Variants in LVRN observed in about 807,000 individuals in gnomAD.
LVRN encodes aminopeptidase Q.
A neutral mutation model predicts 111.4 loss-of-function variants in LVRN; 99 were observed. The observed-to-expected ratio is 0.89, with a 90% CI of 0.76 to 1.05. LVRN has a LOEUF of 1.05. LVRN is among the 50% of genes least tolerant of loss of function. The pLI is 0.00. For missense variants in LVRN, 1,414 were observed against 1,206.8 expected (o/e 1.17, Z -2.54); for synonymous variants, 488 against 449.5 (o/e 1.09, Z -1.08).
In LVRN at chr5:115,962,622, G is replaced by T; in HGVS notation, c.5G>T (p.Gly2Val). 6.3e-7 allele frequency: 1 copy of T among 1,593,468 alleles called. No homozygotes were observed. The highest frequency in any genetic ancestry group is 1.1e-5 in the South Asian group (1 of 90,208). ...CGCCTGAACCCGGTCCCTGCCATGG[G>T]GCCCCCTTCCAGCTCAGGCTTCTAT... Reference protein sequence around the residue: MGPPSSSGFYVS... With the variant: MVPPSSSGFYVS... Residue 2 changes from glycine to valine, a missense_variant, in exon 1 of 20, where the codon GGG becomes GTG. Physicochemically the swap from Gly to Val is moderately radical, Grantham distance 109. Coordinates refer to ENST00000357872, the MANE Select transcript of LVRN (RefSeq NM_173800.5).
intron 12 of LVRN, among the ~76,000 whole-genome samples, chr5:116,003,736 C>T (rs1159311260): frequency 2.0e-5 from 3 of 152,170 alleles, no homozygotes; most frequent in African/African-American, 4.8e-5. Flanking sequence ...CGCCTGCCAC[C>T]ACGCCCGGCT....
chr5:115,973,171 C>G (rs1363862636), intron 1 of LVRN, among the ~76,000 whole-genome samples: 1 of 152,188 alleles, frequency 6.6e-6, no homozygotes, highest in Non-Finnish European at 1.5e-5. Flanking sequence ...CTCAAGGAAT[C>G]CATCTCCCTT....
chr5:115,965,958 C>G (rs1753192881), intron 1 of LVRN, among the ~76,000 whole-genome samples: 1 of 151,988 alleles, frequency 6.6e-6, no homozygotes, highest in African/African-American at 2.4e-5. Flanking sequence ...ATACTTTTTT[C>G]TAACTTTTTA....
chr5:116,004,755 T>C (rs561198009), intron 12 of LVRN, among the ~76,000 whole-genome samples: 2 of 152,258 alleles, frequency 1.3e-5, no homozygotes, highest in Non-Finnish European at 1.5e-5. Context: ...AATTTCTTAT[T>C]TGTGTAATAA....
chr5:116,007,986 G>A (rs1018207578), intron 13 of LVRN, among the ~76,000 whole-genome samples: 2 of 152,124 alleles, frequency 1.3e-5, no homozygotes, highest in African/African-American at 4.8e-5. Context: ...TGCTGCACTG[G>A]CCAGCCATTC....
At position 116,001,255 on chromosome 5, in the gene LVRN, C is replaced by T. The variant is rs1241476626; in HGVS notation, c.1820+16C>T. On this transcript the variant is annotated intron_variant, in intron 10 of 19. Coordinates refer to ENST00000357872, the MANE Select transcript of LVRN (RefSeq NM_173800.5). The stretch of plus-strand genomic sequence containing the variant: ...TAACCAGCAAGTAGGTAGCTTTGCT[C>T]CTCTTTGTCTTCACCTTCCTTGGGG... 1 of 1,611,256 alleles carries T rather than the reference C, an allele frequency of 6.2e-7. No individual in the cohort carries two copies. Among genetic ancestry groups the T allele is most frequent in the South Asian group, 1.1e-5 (1 of 90,480 alleles).
intron 3 of LVRN, among the ~76,000 whole-genome samples, chr5:115,985,025 AC>A (rs2112574078): frequency 6.6e-6 from 1 of 152,232 alleles, no homozygotes; most frequent in Admixed American, 6.5e-5. Context: ...CTGCACTGGC[AC>A]CTTGATGTTT....
intron 14 of LVRN, 135 bp downstream of exon 14, chr5:116,011,029 A>ATAAGGTATTCTGT: frequency 5.4e-6 from 1 of 184,012 alleles, no homozygotes; most frequent in Non-Finnish European, 9.2e-6. Flanking sequence ...ATATATATGG[A>ATAAGGTATTCTGT]AGTATATACA....
At chr5:116,025,341 G>A (rs1222464166) in intron 19 of LVRN, among the ~76,000 whole-genome samples, 2 of 152,146 alleles carry the variant, frequency 1.3e-5, no homozygotes, top group African/African-American at 4.8e-5. Context: ...AGCGTTCGGA[G>A]TTCTAATCCA....
At chr5:115,964,398 AT>A (rs1253095474) in intron 1 of LVRN, among the ~76,000 whole-genome samples, 1 of 152,224 alleles carries the variant, frequency 6.6e-6, no homozygotes, top group African/African-American at 2.4e-5. Context: ...TGGATGTATA[AT>A]CTGTAACTTT....
rs187078086 is a variant in LVRN at position 116,024,935 on chromosome 5, G to A, written c.2833-1043G>A. Reference sequence around the variant, plus strand: ...GAAAATGAAGTCATTTGTCTCCCTCGTCCCTCTCCAAAGGCACAATTTTCA... The same window carrying A: ...GAAAATGAAGTCATTTGTCTCCCTCATCCCTCTCCAAAGGCACAATTTTCA... On this transcript the variant is annotated intron_variant, in intron 19 of 19. Transcript: ENST00000357872. Among the ~76,000 whole-genome samples the A allele has an allele frequency of 4.8e-4, 73 of 152,106 alleles. 1 individual carries two copies. The highest frequency in any genetic ancestry group is 1.8e-3 in the Admixed American group (28 of 15,278).
chr5:116,012,714 C>A lies in LVRN; in HGVS notation c.2342+246C>A, dbSNP rs190404637. On this transcript the variant is annotated intron_variant, in intron 15 of 19. Coordinates refer to ENST00000357872, the MANE Select transcript of LVRN (RefSeq NM_173800.5). ...ATAGGAGCTTATAGCTCTATATTCTCAAAGCCTAGACTACTGGTTGAAATT... is the reference window on the plus strand; with the variant it reads ...ATAGGAGCTTATAGCTCTATATTCTAAAAGCCTAGACTACTGGTTGAAATT... Among the ~76,000 whole-genome samples, 6 of 152,334 alleles carry A rather than the reference C, an allele frequency of 3.9e-5. No homozygotes were observed. In the East Asian group the frequency reaches 9.6e-4, roughly 24 times the overall value.
chr5:116,003,467 G>C, intron 12 of LVRN, 87 bp downstream of exon 12: 1 of 876,208 alleles, frequency 1.1e-6, no homozygotes, highest in Non-Finnish European at 1.6e-6. Context: ...GGTGGGAAGA[G>C]ATTCCACCTT....
rs552077271 is a variant in LVRN, at chr5:116,010,200, A to G, written c.2094-541A>G. ...GGTGTGCATACTGTTTTTCTTAGAC[A>G]TAATGCCATTGCTACTTAATAGGCT... On this transcript the variant is annotated intron_variant, in intron 13 of 19. Transcript: ENST00000357872. 3.3e-5 allele frequency among the ~76,000 whole-genome samples: 5 copies of G among 152,326 alleles called. No individual in the cohort carries two copies. The South Asian group carries it at 6.2e-4, about 19-fold the overall frequency.
At chr5:116,005,035 A>G (rs1748330373) in intron 12 of LVRN, among the ~76,000 whole-genome samples, 1 of 152,246 alleles carries the variant, frequency 6.6e-6, no homozygotes, top group Admixed American at 6.5e-5. Flanking sequence ...GTAATGATTT[A>G]TTGAAACCAT....
At chr5:116,003,986 A>G (rs141421107) in intron 12 of LVRN, among the ~76,000 whole-genome samples, 65 of 152,312 alleles carry the variant, frequency 4.3e-4, no homozygotes, top group African/African-American at 1.5e-3. Flanking sequence ...GAGCTTTGGC[A>G]AGTTACTTAA....
At chr5:116,003,461 G>A in intron 12 of LVRN, 81 bp downstream of exon 12, 1 of 959,510 alleles carries the variant, frequency 1.0e-6, no homozygotes, top group Non-Finnish European at 1.4e-6. Context: ...CATTCTGGTG[G>A]GAAGAGATTC....
At chr5:115,983,252 AAAAT>A in intron 1 of LVRN, 31 bp from the exon 2 acceptor site, 1 of 1,498,608 alleles carries the variant, frequency 6.7e-7, no homozygotes, top group South Asian at 1.4e-5. Context: ...GGTTGAAATA[AAAAT>A]AAATAAAAAT....
intron 13 of LVRN, 136 bp from the exon 14 acceptor site, chr5:116,010,605 A>T: frequency 1.1e-6 from 1 of 920,532 alleles, no homozygotes; most frequent in Non-Finnish European, 1.7e-6. Flanking sequence ...AAGATGGGAC[A>T]TTTACCTTCT....
Sources: allele counts gnomAD v4.1 joint callset (sites outside exome capture counted in the v4.1 genomes callset), GRCh38; gene constraint gnomAD v4.1.1; transcripts MANE v1.5; gene names NCBI Gene and HGNC (gene_info 2026-07-23, HGNC 2026-07-21).